The following RNF31 variants were observed in gnomAD, a reference collection of about 807,000 sequenced individuals.
RNF31 encodes the protein E3 ubiquitin-protein ligase RNF31.
Under a neutral mutation model 133.6 loss-of-function variants are expected in RNF31, and 38 were observed. The observed-to-expected ratio is 0.28, with a 90% confidence interval of 0.22 to 0.37. The LOEUF is 0.37. Ranked by LOEUF, RNF31 falls within the 10% of genes least tolerant of loss-of-function variation. The pLI is 1.00. For missense variants in RNF31, 1,118 were observed against 1,394.1 expected, an observed-to-expected ratio of 0.80 and a Z score of 3.15; for synonymous variants, 582 against 552.3, an observed-to-expected ratio of 1.05 and a Z score of -0.75.
At chr14:24,157,191 A>C (rs2038353471) in intron 14 of RNF31, 99 bp from the exon 15 acceptor site, 1 of 848,500 alleles carries the variant, frequency 1.2e-6, no homozygotes, top group Admixed American at 2.8e-5. Context: ...AGTGACATAA[A>C]CCAAGCTGGG....
chr14:24,148,477 A>G (rs2038209743), intron 3 of RNF31, 64 bp downstream of exon 3: 10 of 1,612,338 alleles, frequency 6.2e-6, no homozygotes, highest in South Asian at 1.1e-5. Flanking sequence ...GCCTAACTCA[A>G]GTAAGTTTGA....
chr14:24,160,295 C>G lies in RNF31; in HGVS notation c.3053C>G (p.Ala1018Gly), dbSNP rs754383975. The G allele has an allele frequency of 6.2e-7, 1 of 1,614,182 alleles. No individual in the cohort carries two copies. Among genetic ancestry groups the G allele is most frequent in the Non-Finnish European group, 8.5e-7 (1 of 1,180,026 alleles). The change falls in exon 20 of 21, where the codon GCC (alanine) becomes GGC (glycine). Residue 1018 changes from alanine to glycine, a missense_variant. This residue lies in a region of RNF31 where 170 missense variants were observed against 194.5 expected (regional missense o/e 0.87). Coordinates refer to ENST00000324103, the MANE Select transcript of RNF31 (RefSeq NM_017999.5). This position sits in a 1 kb window ranked among gnomAD's most constrained non-coding sequence, Gnocchi z 4.0. ...SLINAHSLDP[A>G]TLYEVEELET... ...ATCAATGCCCACTCGCTGGACCCAG[C>G]CACCTTGTATGAGGTGGAAGAGCTG... is the stretch of plus-strand genomic sequence containing the variant.
At position 24,155,714 on chromosome 14, in the gene RNF31, A is replaced by G; in HGVS notation, c.2493+22A>G. On this transcript the variant is annotated intron_variant, in intron 14 of 20. Coordinates refer to ENST00000324103, the MANE Select transcript of RNF31 (RefSeq NM_017999.5). This position sits in a 1 kb window ranked among gnomAD's most constrained non-coding sequence, Gnocchi z 4.9. ...CCAGGTGAGGCACATTCATCCTTTC[A>G]GAAATACTTGCTGAGCTACTGCCAG... is the stretch of plus-strand genomic sequence containing the variant. The G allele has an allele frequency of 1.2e-6, 2 of 1,605,638 alleles. No homozygotes were observed. The highest frequency in any genetic ancestry group is 1.7e-6 in the Non-Finnish European group (2 of 1,172,694).
At position 24,147,627 on chromosome 14, in the gene RNF31, G is replaced by A; in HGVS notation, c.-72G>A. The A allele has an allele frequency of 7.6e-7, 1 of 1,317,252 alleles. No individual in the cohort carries two copies. The highest frequency in any genetic ancestry group is 9.7e-7 in the Non-Finnish European group (1 of 1,026,516). The allele number at this position is 1,317,252 out of a possible 1,614,324, so 81.6% of individuals were successfully genotyped here. A position where few individuals can be genotyped will look rare whatever the true frequency, so the allele number is the denominator to read the frequency against. ...AAGCCGGGCACCAGACGGGAGGGGCGGCGCTCGGGCCGCGCGCTGCCCGCG... is the reference window on the plus strand; with the variant it reads ...AAGCCGGGCACCAGACGGGAGGGGCAGCGCTCGGGCCGCGCGCTGCCCGCG... On this transcript the variant is annotated 5_prime_UTR_variant, in exon 1 of 21. Transcript: ENST00000324103.
Position 24,151,667 on chromosome 14 carries a change from G to A in RNF31, c.1920G>A (p.Lys640=), listed in dbSNP as rs62001565. ...EPTPSWDGPD[K]QSLVRRLLAV... is the part of the protein sequence containing the mutation. ...CCCCTTCCTGGGATGGGCCAGACAA[G>A]CAGGTGCTGGGAGGAGGCAAGAAGC... Residue 640 remains lysine, a synonymous_variant, in exon 10 of 21, where the codon AAG becomes AAA. Coordinates refer to ENST00000324103, the MANE Select transcript of RNF31 (RefSeq NM_017999.5). The surrounding 1 kb of genome is among the most constrained non-coding windows in gnomAD (Gnocchi z 5.3). 1.1e-4 allele frequency: 181 copies of A among 1,610,546 alleles called. 1 individual carries two copies. The South Asian group carries it at 1.9e-3, about 17-fold the overall frequency.
intron 11 of RNF31, among the ~76,000 whole-genome samples, chr14:24,154,016 G>C (rs1390744452): frequency 6.6e-6 from 1 of 152,184 alleles, no homozygotes; most frequent in East Asian, 1.9e-4. Flanking sequence ...ATTTTTTTGA[G>C]ACGGAGTCTC....
chr14:24,149,571 A>C lies in RNF31; in HGVS notation c.797A>C (p.His266Pro). Residue 266 changes from histidine to proline, a missense_variant, in exon 6 of 21, where the codon CAC (histidine) becomes CCC (proline). Physicochemically the swap from His to Pro is moderately conservative, Grantham distance 77. Coordinates refer to ENST00000324103, the MANE Select transcript of RNF31 (RefSeq NM_017999.5). ...QTLPGVLQGT[H>P]LSPSLPASAQ... ...CTGCCTGGGGTCCTGCAGGGTACCC[A>C]CCTGAGCCCCAGGTGAGAGGGCTTC... The C allele has an allele frequency of 6.2e-7, 1 of 1,613,044 alleles. No homozygotes were observed. Among genetic ancestry groups the C allele is most frequent in the South Asian group, 1.1e-5 (1 of 91,008 alleles).
chr14:24,153,999 C>T (rs1048274774), intron 11 of RNF31, among the ~76,000 whole-genome samples: 2 of 152,176 alleles, frequency 1.3e-5, no homozygotes, highest in South Asian at 2.1e-4. Flanking sequence ...CTTCACTCAG[C>T]GATGACATTT....
chr14:24,157,212 A>T (rs753669028), intron 14 of RNF31, 78 bp from the exon 15 acceptor site: 127 of 1,046,812 alleles, frequency 1.2e-4, no homozygotes, highest in Non-Finnish European at 1.7e-4. Context: ...GAACCACTGG[A>T]TGTGAGTGGA....
In RNF31 at chr14:24,160,219, C is replaced by G; in HGVS notation, c.2997-20C>G. 2 of 1,602,872 alleles carry G rather than the reference C, an allele frequency of 1.2e-6. No homozygotes were observed. Among genetic ancestry groups the G allele is most frequent in the Non-Finnish European group, 1.7e-6 (2 of 1,174,336 alleles). On this transcript the variant is annotated intron_variant, in intron 19 of 20. Transcript: ENST00000324103. This position sits in a 1 kb window ranked among gnomAD's most constrained non-coding sequence, Gnocchi z 4.0. ...AATATTAGCCAACACAACAAATATT[C>G]TGCTCCCTTTTCTCCCCAGGGCACA...
At chr14:24,157,471 G>A in intron 15 of RNF31, 49 bp from the exon 16 acceptor site, 2 of 1,604,386 alleles carry the variant, frequency 1.2e-6, no homozygotes, top group Admixed American at 1.7e-5. Context: ...CTTCCTGAGG[G>A]CCTTGAGTTG....
At chr14:24,148,955 T>C (rs938560578) in intron 5 of RNF31, 79 bp downstream of exon 5, 95 of 1,214,964 alleles carry the variant, frequency 7.8e-5, no homozygotes, top group South Asian at 2.1e-4. Context: ...TCTTCTTGGT[T>C]ATCTTCCTTT....
chr14:24,156,730 G>A (rs2038345473), intron 14 of RNF31, among the ~76,000 whole-genome samples: 1 of 151,266 alleles, frequency 6.6e-6, no homozygotes, highest in Non-Finnish European at 1.5e-5. Flanking sequence ...AGTGAGCCAA[G>A]ATCACGCCAT....
At chr14:24,149,855 T>A (rs1333686623) in intron 6 of RNF31, among the ~76,000 whole-genome samples, 1 of 151,986 alleles carries the variant, frequency 6.6e-6, no homozygotes, top group Non-Finnish European at 1.5e-5. Context: ...TCAGGCCATG[T>A]GTTAGCAGTA....
chr14:24,148,822 G>A lies in RNF31; in HGVS notation c.577G>A (p.Asp193Asn), dbSNP rs375201462. 88 of 1,613,958 alleles carry A rather than the reference G, an allele frequency of 5.5e-5. No homozygotes were observed. Among genetic ancestry groups the A allele is most frequent in the Non-Finnish European group, 6.9e-5 (81 of 1,180,022 alleles). ...TCAGATGCTGCAGCTTTCAGAATTT[G>A]ACCCCCTATTGAGAGAGATTGCTCC... Reference protein sequence around the residue: ...EDDMLQLSEFDPLLREIAPGP... With the variant: ...EDDMLQLSEFNPLLREIAPGP... The change falls in exon 5 of 21, where the codon GAC becomes AAC. Residue 193 changes from aspartate to asparagine, a missense_variant. Transcript: ENST00000324103.
chr14:24,151,438 T>C lies in RNF31; in HGVS notation c.1738-47T>C. 1 of 1,613,316 alleles carries C rather than the reference T, an allele frequency of 6.2e-7. No homozygotes were observed. On this transcript the variant is annotated intron_variant, in intron 9 of 20. Transcript: ENST00000324103. This position sits in a 1 kb window ranked among gnomAD's most constrained non-coding sequence, Gnocchi z 5.3. ...GAGTCTGCATCTCTCACACTCTCCCTTGCTTGCTTTCCCACTTCATTCCCC... is the reference window on the plus strand; with the variant it reads ...GAGTCTGCATCTCTCACACTCTCCCCTGCTTGCTTTCCCACTTCATTCCCC...
Position 24,155,096 on chromosome 14 carries a change from T to C in RNF31, c.2131-61T>C. The C allele has an allele frequency of 6.5e-7, 1 of 1,548,060 alleles. No individual in the cohort carries two copies. The highest frequency in any genetic ancestry group is 8.9e-7 in the Non-Finnish European group (1 of 1,128,676). On this transcript the variant is annotated intron_variant, in intron 11 of 20. Transcript: ENST00000324103. This position sits in a 1 kb window ranked among gnomAD's most constrained non-coding sequence, Gnocchi z 4.9. ...TCTTAGTGGACACCTGGCCACTGCC[T>C]CTTCCCTAGCCTGGCAGCTGTGGCT...
rs1387500380 is a variant in RNF31 at position 24,148,310 on chromosome 14, G to A, written c.392G>A (p.Gly131Glu). The stretch of plus-strand genomic sequence containing the variant: ...GGCTACACAGAGGAGCAACCAGATG[G>A]GTTGAGCTTCCCCGAAGGGCAGGAG... Reference protein sequence around the residue: ...LYGYTEEQPDGLSFPEGQEEP... With the variant: ...LYGYTEEQPDELSFPEGQEEP... Residue 131 changes from glycine to glutamate, a missense_variant, in exon 3 of 21, where the codon GGG becomes GAG. Physicochemically the swap from Gly to Glu is moderately conservative, Grantham distance 98. Transcript: ENST00000324103. 1 of 1,614,198 alleles carries A rather than the reference G, an allele frequency of 6.2e-7. No individual in the cohort carries two copies. The highest frequency in any genetic ancestry group is 8.5e-7 in the Non-Finnish European group (1 of 1,180,042).
chr14:24,155,348 G>A lies in RNF31; in HGVS notation c.2304+18G>A. ...ACATCCAGGTACTGCAGCCCCTCTA[G>A]GACTCAGGTACCCTGAGCTTTGAAC... is the stretch of plus-strand genomic sequence containing the variant. On this transcript the variant is annotated intron_variant, in intron 12 of 20. Transcript: ENST00000324103. This position sits in a 1 kb window ranked among gnomAD's most constrained non-coding sequence, Gnocchi z 4.9. 1 of 1,614,068 alleles carries A rather than the reference G, an allele frequency of 6.2e-7. No individual in the cohort carries two copies. Among genetic ancestry groups the A allele is most frequent in the Non-Finnish European group, 8.5e-7 (1 of 1,179,984 alleles).
Sources: gnomAD v4.1 joint callset for allele counts (sites outside exome capture counted in the v4.1 genomes callset) on GRCh38, gnomAD v4.1.1 for gene constraint, gnomAD v4.1.1 regional missense constraint, Gnocchi (gnomAD v3.1) non-coding constraint, MANE v1.5 for transcripts, NCBI Gene and HGNC (gene_info 2026-07-23, HGNC 2026-07-21) for gene names.